TANC2: variants seen among roughly 807,000 people sequenced by gnomAD.
The protein encoded by TANC2 is protein TANC2.
A neutral mutation model predicts 210.5 loss-of-function variants in TANC2; 26 were observed. The observed-to-expected ratio is 0.12, with a 90% CI of 0.09 to 0.17. The LOEUF is 0.17. Ranked by LOEUF, TANC2 falls within the 10% of genes least tolerant of loss-of-function variation. TANC2 has a pLI of 1.00. For synonymous variants in TANC2, 931 were observed against 967.1 expected, an observed-to-expected ratio of 0.96 and a Z score of 0.69; for missense variants, 2,129 against 2,608.9, an observed-to-expected ratio of 0.82 and a Z score of 4.01.
At position 63,098,515 on chromosome 17, in the gene TANC2, G is replaced by GTATATA. The variant is rs373665673; in HGVS notation, c.140-646_140-641dup. On this transcript the variant is annotated intron_variant, in intron 3 of 27. Coordinates refer to ENST00000689528, the Ensembl canonical transcript of TANC2. ...TCTCTCTCTCTCTCTCTCTCTGTGTGTATATATATATATATATATGTAAAA... is the reference window on the plus strand; with the variant it reads ...TCTCTCTCTCTCTCTCTCTCTGTGTGTATATATATATATATATATATATATGTAAAA... Among the ~76,000 whole-genome samples, 883 of 126,726 alleles carry GTATATA rather than the reference G, an allele frequency of 7.0e-3. 37 individuals are homozygous for GTATATA. The highest frequency in any genetic ancestry group is 0.023 in the African/African-American group (804 of 34,898). 83.1% of individuals were successfully genotyped at this position (126,726 alleles called of 152,430 possible).
intron 3 of TANC2, among the ~76,000 whole-genome samples, chr17:63,074,932 C>A (rs2036519969): frequency 6.6e-6 from 1 of 152,100 alleles, no homozygotes; most frequent in Non-Finnish European, 1.5e-5. Flanking sequence ...GTAAAAGCTT[C>A]AGATTTATTT....
intron 9 of TANC2, among the ~76,000 whole-genome samples, chr17:63,286,907 G>GGT (rs957711544): frequency 7.2e-5 from 11 of 151,760 alleles, no homozygotes; most frequent in African/African-American, 2.7e-4. Flanking sequence ...ACTTCAGCTG[G>GGT]GTGTGTGTGT....
intron 8 of TANC2, among the ~76,000 whole-genome samples, chr17:63,244,736 G>C (rs1034644171): frequency 1.3e-5 from 2 of 152,152 alleles, no homozygotes; most frequent in African/African-American, 2.4e-5. Flanking sequence ...TGATTTGGCT[G>C]TGTCCCCACC....
chr17:63,410,347 C>A (rs988921070), intron 21 of TANC2, among the ~76,000 whole-genome samples: 2 of 145,162 alleles, frequency 1.4e-5, no homozygotes, highest in African/African-American at 2.5e-5. Flanking sequence ...TCCCCCCCCC[C>A]CATCTCCTAG....
At chr17:63,065,985 C>T (rs2036180574) in intron 2 of TANC2, among the ~76,000 whole-genome samples, 1 of 152,188 alleles carries the variant, frequency 6.6e-6, no homozygotes, top group South Asian at 2.1e-4. Context: ...GATCATGGCT[C>T]ACTGCAGTCT....
At chr17:63,346,891 G>T (rs1482096418) in intron 12 of TANC2, among the ~76,000 whole-genome samples, 1 of 150,828 alleles carries the variant, frequency 6.6e-6, no homozygotes, top group African/African-American at 2.4e-5. Context: ...TTTTTTCAGA[G>T]ATGGGGGTCT....
intron 10 of TANC2, among the ~76,000 whole-genome samples, chr17:63,316,562 C>A (rs1042110541): frequency 6.6e-6 from 1 of 152,090 alleles, no homozygotes; most frequent in Non-Finnish European, 1.5e-5. Context: ...CCAGAAACAC[C>A]AAGACACTCC....
chr17:63,257,813 TTTATATC>T (rs1275911105), intron 8 of TANC2, among the ~76,000 whole-genome samples: 21 of 152,238 alleles, frequency 1.4e-4, no homozygotes, highest in Non-Finnish European at 2.9e-5. Context: ...ATTGTTTCTA[TTTATATC>T]TTATACTATC....
intron 5 of TANC2, chr17:63,154,508 ACTTTTCT>A (rs1403377735): frequency 2.0e-5 from 3 of 152,142 alleles, no homozygotes; most frequent in African/African-American, 7.2e-5. Context: ...ACACTCTATC[ACTTTTCT>A]ATCTACAGTA....
chr17:62,995,827 G>A (rs1382800025), intron 1 of TANC2, among the ~76,000 whole-genome samples: 1 of 152,188 alleles, frequency 6.6e-6, no homozygotes, highest in Non-Finnish European at 1.5e-5. Context: ...GGGCATAGTG[G>A]TGTGCGCCGG....
At chr17:63,093,717 A>C (rs1380677527) in intron 3 of TANC2, among the ~76,000 whole-genome samples, 1 of 152,184 alleles carries the variant, frequency 6.6e-6, no homozygotes, top group African/African-American at 2.4e-5. Context: ...GACAATTGAC[A>C]TAGTGTTATG....
intron 9 of TANC2, among the ~76,000 whole-genome samples, chr17:63,300,206 T>C (rs1049662461): frequency 1.3e-5 from 2 of 152,202 alleles, no homozygotes; most frequent in African/African-American, 4.8e-5. Flanking sequence ...TAGTTTGAAG[T>C]CAGGTAGCAT....
intron 1 of TANC2, 103 bp from the exon 2 acceptor site, chr17:63,009,434 C>T (rs992671342): frequency 1.1e-5 from 8 of 705,080 alleles, no homozygotes; most frequent in Admixed American, 2.6e-5. Context: ...CCAGTTGTAC[C>T]CTTTAAGTTA....
chr17:63,276,455 A>G (rs1256216925), intron 9 of TANC2, among the ~76,000 whole-genome samples: 1 of 151,762 alleles, frequency 6.6e-6, no homozygotes, highest in African/African-American at 2.4e-5. Context: ...GAAGCATATA[A>G]AAAAGCAGCA....
chr17:63,324,639 T>C (rs1441186289), intron 11 of TANC2, among the ~76,000 whole-genome samples: 1 of 152,202 alleles, frequency 6.6e-6, no homozygotes, highest in African/African-American at 2.4e-5. Context: ...TTATAAAATT[T>C]GTCTAGGGCT....
chr17:63,092,900 G>A (rs553811427), intron 3 of TANC2, among the ~76,000 whole-genome samples: 12 of 152,208 alleles, frequency 7.9e-5, no homozygotes, highest in African/African-American at 1.4e-4. Flanking sequence ...TTAGTGAAGC[G>A]TCTGTTCAGA....
chr17:63,318,853 C>CT (rs1442468186), intron 10 of TANC2, 104 bp from the exon 11 acceptor site: 9 of 1,334,446 alleles, frequency 6.7e-6, no homozygotes, highest in Non-Finnish European at 9.4e-6. Context: ...TAAGTATATA[C>CT]TTAGGAGCAG....
chr17:63,247,504 A>G (rs1375124969), intron 8 of TANC2, among the ~76,000 whole-genome samples: 1 of 152,036 alleles, frequency 6.6e-6, no homozygotes, highest in Non-Finnish European at 1.5e-5. Flanking sequence ...AAAAATAGAA[A>G]CAATTACATC....
chr17:63,078,260 G>T, intron 3 of TANC2, among the ~76,000 whole-genome samples: 1 of 152,076 alleles, frequency 6.6e-6, no homozygotes, highest in East Asian at 1.9e-4. Context: ...ATAATCTGTA[G>T]TGATGTAAGC....
Sources: allele counts gnomAD v4.1 joint callset (sites outside exome capture counted in the v4.1 genomes callset), GRCh38; gene constraint gnomAD v4.1.1; transcripts MANE v1.5; gene names NCBI Gene and HGNC (gene_info 2026-07-23, HGNC 2026-07-21).